BCAT1: variants seen among roughly 807,000 people sequenced by gnomAD.
The protein encoded by BCAT1 is branched chain amino acid transaminase 1.
Under a neutral mutation model 52.4 loss-of-function variants are expected in BCAT1, and 48 were observed. That is an observed-to-expected ratio of 0.92 (90% CI 0.73 to 1.16). The LOEUF (loss-of-function observed/expected upper bound fraction) is 1.16. Ranked by LOEUF, BCAT1 falls within the 50% of genes most tolerant of loss-of-function variation. The probability of loss-of-function intolerance (pLI) is 0.00; values close to 1 mark genes in which losing one functional copy is unlikely to be tolerated. For synonymous variants in BCAT1, 167 were observed against 161.3 expected (o/e 1.04, Z -0.27); for missense variants, 451 against 457.1 (o/e 0.99, Z 0.12).
At chr12:24,910,325 C>T (rs530424402) in intron 1 of BCAT1, among the ~76,000 whole-genome samples, 20 of 151,630 alleles carry the variant, frequency 1.3e-4, no homozygotes, top group East Asian at 1.9e-4. Flanking sequence ...TGCAGTGAGC[C>T]GAGATCATGC....
At chr12:24,871,864 C>T (rs112803281) in intron 5 of BCAT1, among the ~76,000 whole-genome samples, 3,258 of 152,096 alleles carry the variant, frequency 0.021, 46 homozygotes, top group East Asian at 0.052. Flanking sequence ...AAAACAGACT[C>T]GATGTCTTAA....
chr12:24,925,782 G>A (rs1263657896), intron 1 of BCAT1, among the ~76,000 whole-genome samples: 1 of 152,230 alleles, frequency 6.6e-6, no homozygotes, highest in African/African-American at 2.4e-5. Context: ...GGTGGAGACG[G>A]GGTTTCGCTG....
intron 6 of BCAT1, among the ~76,000 whole-genome samples, chr12:24,847,105 C>T (rs1941369461): frequency 6.6e-6 from 1 of 152,142 alleles, no homozygotes; most frequent in African/African-American, 2.4e-5. Context: ...TTAATCTGTG[C>T]AAGGTATTAT....
intron 5 of BCAT1, among the ~76,000 whole-genome samples, chr12:24,854,633 A>G (rs190903332): frequency 1.5e-3 from 234 of 152,292 alleles, no homozygotes; most frequent in African/African-American, 5.6e-3. Flanking sequence ...TGAAAGATCA[A>G]AAAATAATAA....
intron 5 of BCAT1, among the ~76,000 whole-genome samples, chr12:24,850,498 A>G (rs983984071): frequency 2.6e-5 from 4 of 152,218 alleles, no homozygotes; most frequent in African/African-American, 9.6e-5. Flanking sequence ...CAACAGAGGG[A>G]TAAGTACTGT....
intron 3 of BCAT1, among the ~76,000 whole-genome samples, chr12:24,891,646 A>T (rs1047932733): frequency 6.6e-6 from 1 of 152,212 alleles, no homozygotes; most frequent in Non-Finnish European, 1.5e-5. Flanking sequence ...AAAGGATAAC[A>T]GTAATTTGAG....
intron 10 of BCAT1, among the ~76,000 whole-genome samples, chr12:24,824,097 G>A (rs572216565): frequency 2.6e-5 from 4 of 152,112 alleles, no homozygotes; most frequent in Admixed American, 2.6e-4. Flanking sequence ...CTCAGTGAAA[G>A]CTTCATGATC....
Position 24,842,242 on chromosome 12 carries a change from T to C in BCAT1, c.675-18A>G. On this transcript the variant is annotated intron_variant, in intron 6 of 10. Transcript: ENST00000261192. The stretch of plus-strand genomic sequence containing the variant: ...CGTAATTCCTTTAAGAAAGAGAAAA[T>C]ACACAGGTTACAAACATACTTCATC... 6.2e-7 allele frequency: 1 copy of C among 1,612,266 alleles called. No individual in the cohort carries two copies. Among genetic ancestry groups the C allele is most frequent in the South Asian group, 1.1e-5 (1 of 91,032 alleles).
intron 1 of BCAT1, among the ~76,000 whole-genome samples, chr12:24,926,358 G>C (rs1943585362): frequency 6.6e-6 from 1 of 151,720 alleles, no homozygotes; most frequent in Non-Finnish European, 1.5e-5. Flanking sequence ...CGCCTGGCCA[G>C]CCGCCCCGTC....
intron 5 of BCAT1, among the ~76,000 whole-genome samples, chr12:24,868,209 C>T (rs1213667686): frequency 6.6e-6 from 1 of 152,224 alleles, no homozygotes. Flanking sequence ...GGAAGTACTG[C>T]GTTGCAGTTT....
chr12:24,844,274 C>CA (rs146665060), intron 6 of BCAT1, among the ~76,000 whole-genome samples: 20,043 of 151,528 alleles, frequency 0.13, 1,351 homozygotes, highest in East Asian at 0.17. Context: ...CTAAAAATAA[C>CA]AAAAAAATTA....
chr12:24,878,424 A>G, intron 5 of BCAT1, 106 bp downstream of exon 5: 1 of 1,007,890 alleles, frequency 9.9e-7, no homozygotes, highest in Non-Finnish European at 1.4e-6. Flanking sequence ...GTCATTAATG[A>G]TGCTACTGGG....
intron 1 of BCAT1, among the ~76,000 whole-genome samples, chr12:24,938,627 C>T (rs916743237): frequency 6.6e-5 from 10 of 152,068 alleles, no homozygotes; most frequent in African/African-American, 2.4e-4. Context: ...CCCCAGCATG[C>T]TTTTCCTCAA....
At chr12:24,862,960 A>G (rs1941891420) in intron 5 of BCAT1, among the ~76,000 whole-genome samples, 1 of 152,224 alleles carries the variant, frequency 6.6e-6, no homozygotes, top group African/African-American at 2.4e-5. Context: ...GCATTTGAAA[A>G]TGTATCACTG....
chr12:24,856,218 T>C (rs1941676696), intron 5 of BCAT1, among the ~76,000 whole-genome samples: 1 of 152,178 alleles, frequency 6.6e-6, no homozygotes, highest in Non-Finnish European at 1.5e-5. Flanking sequence ...CCGGTGTGGA[T>C]GATAGAGCTT....
intron 8 of BCAT1, chr12:24,834,178 A>G (rs1940823516): frequency 2.0e-6 from 2 of 979,108 alleles, no homozygotes; most frequent in African/African-American, 3.5e-5. Flanking sequence ...TATCTGAAAT[A>G]CTCATTATTT....
chr12:24,890,879 C>T (rs778185900), intron 3 of BCAT1, among the ~76,000 whole-genome samples: 1 of 152,090 alleles, frequency 6.6e-6, no homozygotes, highest in African/African-American at 2.4e-5. Context: ...TCTTGTGCAA[C>T]ATCCAAGAAC....
At chr12:24,896,374 A>G (rs932165634) in intron 2 of BCAT1, among the ~76,000 whole-genome samples, 2 of 152,238 alleles carry the variant, frequency 1.3e-5, no homozygotes, top group Non-Finnish European at 2.9e-5. Flanking sequence ...TTATTGGAAC[A>G]TAGTCACGCC....
At chr12:24,822,152 G>T (rs1940166157) in intron 10 of BCAT1, among the ~76,000 whole-genome samples, 1 of 152,186 alleles carries the variant, frequency 6.6e-6, no homozygotes, top group African/African-American at 2.4e-5. Context: ...ACACAGACGT[G>T]CTTTTCTTTG....
Sources: allele counts gnomAD v4.1 joint callset (sites outside exome capture counted in the v4.1 genomes callset), GRCh38; gene constraint gnomAD v4.1.1; transcripts MANE v1.5; gene names NCBI Gene and HGNC (gene_info 2026-07-23, HGNC 2026-07-21).